Variants in GRM1 observed in about 807,000 individuals in gnomAD.
GRM1 encodes metabotropic glutamate receptor 1.
Under a neutral mutation model 90.9 loss-of-function variants are expected in GRM1, and 33 were observed. The observed-to-expected ratio is 0.36, with a 90% CI of 0.28 to 0.49. GRM1 has a LOEUF of 0.49. Among genes scored for constraint, GRM1 ranks in the 20% least tolerant of loss-of-function variants. The pLI, the probability that GRM1 is intolerant of heterozygous loss-of-function variation, is 0.99. For missense variants in GRM1, 1,190 were observed against 1,534.3 expected, an observed-to-expected ratio of 0.78 and a Z score of 3.75; for synonymous variants, 700 against 613.2, an observed-to-expected ratio of 1.14 and a Z score of -2.09.
rs147332427 is a variant in GRM1 at position 146,434,771 on chromosome 6, A to G, written c.3560A>G (p.Tyr1187Cys). Residue 1187 changes from tyrosine to cysteine, a missense_variant, in exon 8 of 8, where the codon TAC becomes TGC. Transcript: ENST00000282753. ...VSYASVILRD[Y>C]KQSSSTL is the part of the protein sequence containing the mutation. ...TACGCCTCTGTCATTCTGCGGGACT[A>G]CAAGCAAAGCTCTTCCACCCTGTAA... is the stretch of plus-strand genomic sequence containing the variant. The G allele has an allele frequency of 1.9e-6, 3 of 1,599,344 alleles. No homozygotes were observed. The African/African-American group carries it at 4.0e-5, about 21-fold the overall frequency.
Position 146,031,537 on chromosome 6 carries a change from T to C in GRM1, c.700+1320T>C, listed in dbSNP as rs141495947. Among the ~76,000 whole-genome samples the C allele has an allele frequency of 2.4e-3, 364 of 152,296 alleles. 3 individuals carry two copies. The highest frequency in any genetic ancestry group is 8.4e-3 in the African/African-American group (351 of 41,582). ...ATTTTCAGAACAAACATAAATGATA[T>C]AGGATTACACATTATAATTTCAGAT... On this transcript the variant is annotated intron_variant, in intron 1 of 7. Coordinates refer to ENST00000282753, the MANE Select transcript of GRM1 (RefSeq NM_001278064.2).
At chr6:146,322,815 C>G (rs535554432) in intron 3 of GRM1, among the ~76,000 whole-genome samples, 31 of 151,856 alleles carry the variant, frequency 2.0e-4, no homozygotes, top group Admixed American at 2.0e-3. Flanking sequence ...CATGTGTTCT[C>G]ATTGTTCAAT....
intron 2 of GRM1, among the ~76,000 whole-genome samples, chr6:146,300,378 G>A (rs1783330805): frequency 6.6e-6 from 1 of 152,180 alleles, no homozygotes; most frequent in Non-Finnish European, 1.5e-5. Context: ...ATTGGTGGAA[G>A]CAGAAATGGT....
chr6:146,075,329 T>A lies in GRM1; in HGVS notation c.700+45112T>A, dbSNP rs117367540. ...TTATTAATTGATCATCTACTATGTG[T>A]CAGACACTGTGCTAGCTCTGACAGT... On this transcript the variant is annotated intron_variant, in intron 1 of 7. Transcript: ENST00000282753. Among the ~76,000 whole-genome samples, 8 of 152,340 alleles carry A rather than the reference T, an allele frequency of 5.3e-5. No individual in the cohort carries two copies. In the East Asian group the frequency reaches 1.5e-3, roughly 29 times the overall value.
intron 2 of GRM1, among the ~76,000 whole-genome samples, chr6:146,252,901 A>G (rs1781348886): frequency 6.6e-6 from 1 of 151,876 alleles, no homozygotes; most frequent in South Asian, 2.1e-4. Context: ...CTCTACTAAA[A>G]ATACAAAAAT....
rs1403713968 is a variant in GRM1, at chr6:146,029,526, G to A, written c.9G>A (p.Gly3=). 1 of 1,613,644 alleles carries A rather than the reference G, an allele frequency of 6.2e-7. No individual in the cohort carries two copies. Among genetic ancestry groups the A allele is most frequent in the Non-Finnish European group, 8.5e-7 (1 of 1,179,580 alleles). ...ACCTCGTCCTCACCACCATGGTCGG[G>A]CTCCTTTTGTTTTTTTTCCCAGCGA... is the stretch of plus-strand genomic sequence containing the variant. MV[G]LLLFFFPAIF... The change falls in exon 1 of 8, where the codon GGG becomes GGA. Residue 3 remains glycine, a synonymous_variant. Transcript: ENST00000282753.
intron 2 of GRM1, among the ~76,000 whole-genome samples, chr6:146,204,701 A>C (rs1386267523): frequency 1.3e-5 from 2 of 152,230 alleles, no homozygotes; most frequent in Non-Finnish European, 2.9e-5. Flanking sequence ...ACTGCCAAAA[A>C]GGTTGGAAGA....
At chr6:146,296,288 T>C (rs1442331169) in intron 2 of GRM1, among the ~76,000 whole-genome samples, 2 of 152,200 alleles carry the variant, frequency 1.3e-5, no homozygotes, top group African/African-American at 4.8e-5. Flanking sequence ...CCTTTTACTT[T>C]TAATTGACAA....
chr6:146,130,058 A>G (rs756370674), intron 1 of GRM1, among the ~76,000 whole-genome samples: 10 of 152,116 alleles, frequency 6.6e-5, no homozygotes, highest in Admixed American at 1.3e-4. Flanking sequence ...ACTCAACCCA[A>G]TGCTTCATTG....
intron 2 of GRM1, among the ~76,000 whole-genome samples, chr6:146,190,697 G>T (rs2114580089): frequency 6.6e-6 from 1 of 152,206 alleles, no homozygotes; most frequent in Admixed American, 6.5e-5. Context: ...CTCTTCAATG[G>T]TTTTTTGGCT....
chr6:146,434,883 G>C lies in GRM1; in HGVS notation c.*87G>C. On this transcript the variant is annotated 3_prime_UTR_variant, in exon 8 of 8. Transcript: ENST00000282753. ...TGCAAACAGCTGGGAGGAAAAGCCT[G>C]GGAGTGGGGGGCCTCGTCGGGAGGA... 1 of 1,167,902 alleles carries C rather than the reference G, an allele frequency of 8.6e-7. No individual in the cohort carries two copies. 72.3% of individuals were successfully genotyped at this position (1,167,902 alleles called of 1,614,324 possible).
rs190266387 is a variant in GRM1 at position 146,421,359 on chromosome 6, C to A, written c.2661-12513C>A. The stretch of plus-strand genomic sequence containing the variant: ...AGTTATACTCTAGCTATACATAATA[C>A]TAGTTATACATAATACCGTGCAAAA... On this transcript the variant is annotated intron_variant, in intron 7 of 7. Coordinates refer to ENST00000282753, the MANE Select transcript of GRM1 (RefSeq NM_001278064.2). 9.0e-4 allele frequency among the ~76,000 whole-genome samples: 136 copies of A among 151,782 alleles called. 1 individual carries two copies. In the Middle Eastern group the frequency reaches 0.035, roughly 39 times the overall value.
chr6:146,432,236 T>C (rs1241569053), intron 7 of GRM1, among the ~76,000 whole-genome samples: 1 of 152,232 alleles, frequency 6.6e-6, no homozygotes, highest in Non-Finnish European at 1.5e-5. Context: ...ATCAGATATA[T>C]GGAGGAACTA....
chr6:146,326,867 T>C (rs1784417967), intron 3 of GRM1, among the ~76,000 whole-genome samples: 1 of 152,184 alleles, frequency 6.6e-6, no homozygotes, highest in African/African-American at 2.4e-5. Flanking sequence ...TAGGGGTTGT[T>C]GAGTGAACAG....
chr6:146,206,556 TC>T (rs1779500266), intron 2 of GRM1, among the ~76,000 whole-genome samples: 1 of 152,122 alleles, frequency 6.6e-6, no homozygotes, highest in Non-Finnish European at 1.5e-5. Context: ...TGTCTCTTTC[TC>T]CCCCTAAAAT....
chr6:146,126,152 A>G (rs1344215337), intron 1 of GRM1, among the ~76,000 whole-genome samples: 1 of 152,150 alleles, frequency 6.6e-6, no homozygotes, highest in Non-Finnish European at 1.5e-5. Flanking sequence ...TGTGGAACAA[A>G]TTGAATTAAT....
At chr6:146,297,156 T>C (rs917358630) in intron 2 of GRM1, among the ~76,000 whole-genome samples, 3 of 152,144 alleles carry the variant, frequency 2.0e-5, no homozygotes, top group African/African-American at 7.2e-5. Context: ...TTGTGAAACG[T>C]GTAAACAATT....
intron 2 of GRM1, among the ~76,000 whole-genome samples, chr6:146,268,751 A>G (rs763060303): frequency 9.9e-5 from 15 of 152,200 alleles, no homozygotes; most frequent in Non-Finnish European, 1.9e-4. Context: ...ATCCTCTCTT[A>G]AAACTCATAA....
chr6:146,122,536 T>C (rs1270208126), intron 1 of GRM1, among the ~76,000 whole-genome samples: 1 of 152,144 alleles, frequency 6.6e-6, no homozygotes, highest in East Asian at 1.9e-4. Context: ...GTCAGTTCCT[T>C]TGGTTCTCTC....
Sources: allele counts gnomAD v4.1 joint callset (sites outside exome capture counted in the v4.1 genomes callset), GRCh38; gene constraint gnomAD v4.1.1; transcripts MANE v1.5; gene names NCBI Gene and HGNC (gene_info 2026-07-23, HGNC 2026-07-21).